The following WDR70 variants were observed in gnomAD, a reference collection of about 807,000 sequenced individuals.
WDR70 encodes the protein WD repeat domain 70, also known as WD repeat-containing protein 70.
Under a neutral mutation model 88.6 loss-of-function variants are expected in WDR70, and 53 were observed. The ratio of observed to expected loss-of-function variants is 0.60; its 90% confidence interval spans 0.48 to 0.75. The LOEUF (loss-of-function observed/expected upper bound fraction) is 0.75. Among genes scored for constraint, WDR70 ranks in the 30% least tolerant of loss-of-function variants. The pLI, the probability that WDR70 is intolerant of heterozygous loss-of-function variation, is 0.00. For synonymous variants in WDR70, 280 were observed against 270.0 expected, an observed-to-expected ratio of 1.04 and a Z score of -0.36; for missense variants, 610 against 823.2, an observed-to-expected ratio of 0.74 and a Z score of 3.17.
At chr5:37,391,866 A>T in intron 3 of WDR70, 134 bp from the exon 4 acceptor site, 2 of 963,672 alleles carry the variant, frequency 2.1e-6, no homozygotes, top group Non-Finnish European at 3.0e-6. Context: ...TGTGGTTGAT[A>T]ATTTTTTGCT....
intron 9 of WDR70, among the ~76,000 whole-genome samples, chr5:37,594,318 T>G (rs1337039305): frequency 1.7e-4 from 26 of 152,256 alleles, no homozygotes; most frequent in African/African-American, 4.3e-4. Flanking sequence ...ATTAATTTTT[T>G]TATACGGTAT....
chr5:37,592,982 C>A (rs1417276357), intron 9 of WDR70, among the ~76,000 whole-genome samples: 2 of 152,156 alleles, frequency 1.3e-5, no homozygotes, highest in African/African-American at 4.8e-5. Context: ...TATAGTGAGA[C>A]CTTATCTCTA....
intron 7 of WDR70, among the ~76,000 whole-genome samples, chr5:37,478,469 A>G (rs1196564036): frequency 6.6e-6 from 1 of 152,238 alleles, no homozygotes; most frequent in Non-Finnish European, 1.5e-5. Context: ...CTCCCAGGTC[A>G]GGTTTCCCAA....
intron 13 of WDR70, among the ~76,000 whole-genome samples, chr5:37,708,548 T>C (rs1308265928): frequency 1.3e-5 from 2 of 152,030 alleles, no homozygotes; most frequent in African/African-American, 2.4e-5. Flanking sequence ...CACAAAAAAG[T>C]TTTTGTGTTC....
At chr5:37,640,151 T>A (rs1242338348) in intron 10 of WDR70, among the ~76,000 whole-genome samples, 6 of 152,188 alleles carry the variant, frequency 3.9e-5, no homozygotes, top group Non-Finnish European at 8.8e-5. Context: ...GTCTATATTT[T>A]AAATTTTTTT....
intron 5 of WDR70, among the ~76,000 whole-genome samples, chr5:37,409,624 C>T (rs984724466): frequency 1.3e-5 from 2 of 151,934 alleles, no homozygotes; most frequent in Admixed American, 6.6e-5. Context: ...CCCGCCTCAG[C>T]TTCCCGAGTA....
intron 9 of WDR70, among the ~76,000 whole-genome samples, chr5:37,542,516 C>G (rs368594180): frequency 6.6e-6 from 1 of 152,008 alleles, no homozygotes; most frequent in Non-Finnish European, 1.5e-5. Flanking sequence ...CTCCTGACCT[C>G]GTGATCCGCC....
chr5:37,668,583 G>T (rs551603760), intron 10 of WDR70, among the ~76,000 whole-genome samples: 47 of 152,316 alleles, frequency 3.1e-4, no homozygotes, highest in African/African-American at 1.0e-3. Flanking sequence ...TAAGGGGTTT[G>T]TTTTATAGAC....
intron 13 of WDR70, among the ~76,000 whole-genome samples, chr5:37,714,933 T>C (rs1188276648): frequency 6.6e-6 from 1 of 152,174 alleles, no homozygotes; most frequent in African/African-American, 2.4e-5. Flanking sequence ...CTGAGAACTT[T>C]TTCTCATGAT....
intron 9 of WDR70, among the ~76,000 whole-genome samples, chr5:37,590,874 A>T: frequency 6.6e-6 from 1 of 152,204 alleles, no homozygotes; most frequent in East Asian, 1.9e-4. Flanking sequence ...AGACCCAAAA[A>T]ACCAAAACAG....
chr5:37,483,217 G>A (rs895183495), intron 8 of WDR70, among the ~76,000 whole-genome samples: 2 of 151,416 alleles, frequency 1.3e-5, no homozygotes, highest in African/African-American at 4.9e-5. Context: ...GTGAACAAAG[G>A]TCTCTGGTTT....
intron 10 of WDR70, among the ~76,000 whole-genome samples, chr5:37,660,326 G>T (rs1190852023): frequency 2.6e-5 from 4 of 152,030 alleles, no homozygotes; most frequent in African/African-American, 9.7e-5. Flanking sequence ...AGGTCAAGTT[G>T]GTTGATAGTG....
At chr5:37,727,723 G>A (rs1748018063) in intron 17 of WDR70, among the ~76,000 whole-genome samples, 1 of 151,936 alleles carries the variant, frequency 6.6e-6, no homozygotes, top group African/African-American at 2.4e-5. Flanking sequence ...CGACAAGCAT[G>A]CACTGCCACA....
intron 9 of WDR70, among the ~76,000 whole-genome samples, chr5:37,566,854 T>C (rs1396151576): frequency 1.3e-5 from 2 of 152,214 alleles, no homozygotes; most frequent in Non-Finnish European, 1.5e-5. Flanking sequence ...TGAGGAGATA[T>C]GCTGTATAGT....
intron 9 of WDR70, among the ~76,000 whole-genome samples, chr5:37,586,488 C>A (rs775637861): frequency 6.6e-6 from 1 of 152,002 alleles, no homozygotes; most frequent in Non-Finnish European, 1.5e-5. Context: ...TATATACGTG[C>A]CATGGTGGTT....
At chr5:37,729,787 A>T (rs1165931652) in intron 17 of WDR70, among the ~76,000 whole-genome samples, 1 of 152,044 alleles carries the variant, frequency 6.6e-6, no homozygotes, top group Non-Finnish European at 1.5e-5. Context: ...GAGTGTGTGA[A>T]ATATTACTAT....
intron 9 of WDR70, among the ~76,000 whole-genome samples, chr5:37,527,283 A>C (rs1321336466): frequency 2.6e-5 from 4 of 152,166 alleles, no homozygotes; most frequent in Admixed American, 2.6e-4. Flanking sequence ...ACCAAAACAG[A>C]GATATAGACC....
chr5:37,674,537 C>A (rs896207432), intron 10 of WDR70, among the ~76,000 whole-genome samples: 103 of 152,272 alleles, frequency 6.8e-4, no homozygotes, highest in Non-Finnish European at 1.3e-3. Context: ...CCAATTTCAT[C>A]CATGTCCCTA....
chr5:37,604,589 G>A (rs1214806779), intron 9 of WDR70, among the ~76,000 whole-genome samples: 1 of 152,208 alleles, frequency 6.6e-6, no homozygotes, highest in Non-Finnish European at 1.5e-5. Flanking sequence ...CTAGGGGAAT[G>A]AGATCTTTGC....
Sources: allele counts gnomAD v4.1 joint callset (sites outside exome capture counted in the v4.1 genomes callset), GRCh38; gene constraint gnomAD v4.1.1; transcripts MANE v1.5; gene names NCBI Gene and HGNC (gene_info 2026-07-23, HGNC 2026-07-21).